HACE1: variants seen among roughly 807,000 people sequenced by gnomAD.
HACE1 encodes the protein HECT domain and ankyrin repeat containing E3 ubiquitin protein ligase 1.
HACE1 carries 73 observed loss-of-function variants against 118.4 expected under a neutral mutation model. The observed-to-expected ratio is 0.62, with a 90% CI of 0.51 to 0.75. HACE1 has a LOEUF of 0.75. HACE1 is among the 30% of genes least tolerant of loss of function. The probability of loss-of-function intolerance (pLI) is 0.00; values close to 1 mark genes in which losing one functional copy is unlikely to be tolerated. For missense variants in HACE1, 749 were observed against 1,102.2 expected, an observed-to-expected ratio of 0.68 and a Z score of 4.54; for synonymous variants, 368 against 374.8, an observed-to-expected ratio of 0.98 and a Z score of 0.21.
intron 6 of HACE1, among the ~76,000 whole-genome samples, chr6:104,820,499 AC>A (rs1340696259): frequency 2.0e-4 from 30 of 152,194 alleles, no homozygotes; most frequent in African/African-American, 4.8e-4. Context: ...TTACAAAAAA[AC>A]AACAACCCCA....
chr6:104,763,400 T>C (rs1266526414), intron 19 of HACE1, among the ~76,000 whole-genome samples: 1 of 152,182 alleles, frequency 6.6e-6, no homozygotes, highest in East Asian at 1.9e-4. Flanking sequence ...CAAAATGAGT[T>C]ATCTTGGCAA....
At chr6:104,780,455 C>G (rs969885579) in intron 14 of HACE1, 5 of 361,938 alleles carry the variant, frequency 1.4e-5, no homozygotes, top group Non-Finnish European at 2.7e-5. Context: ...AACTACTGGC[C>G]ACCTGAAAAC....
chr6:104,801,548 T>C (rs956286126), intron 7 of HACE1, among the ~76,000 whole-genome samples: 1 of 151,948 alleles, frequency 6.6e-6, no homozygotes, highest in African/African-American at 2.4e-5. Context: ...CAGAAGAGAG[T>C]GGGGGCTAAT....
Position 104,785,295 on chromosome 6 carries a change from A to T in HACE1, c.1099T>A (p.Leu367Ile). The change falls in exon 12 of 24, where the codon TTA (leucine) becomes ATA (isoleucine). Residue 367 changes from leucine (L) to isoleucine (I), a missense_variant. Leu to Ile is a conservative substitution (Grantham distance 5). Around this residue, in one of 5 missense-constraint regions of HACE1, gnomAD observed 267 missense variants for 312.2 expected, o/e 0.86. Coordinates refer to ENST00000262903, the MANE Select transcript of HACE1 (RefSeq NM_020771.4). ...FKPLELLWHS[L>I]DEWLVLIATE... ...GCTATTAAAACTAGCCATTCATCTA[A>T]CGAGTGCCAAAGCAATTCCAGAGGC... 6.2e-7 allele frequency: 1 copy of T among 1,608,400 alleles called. No individual in the cohort carries two copies. The highest frequency in any genetic ancestry group is 1.1e-5 in the South Asian group (1 of 90,980).
chr6:104,819,630 T>C (rs555240956), intron 6 of HACE1, among the ~76,000 whole-genome samples: 1 of 152,186 alleles, frequency 6.6e-6, no homozygotes, highest in South Asian at 2.1e-4. Flanking sequence ...CTACCCAACT[T>C]AAAACTATAC....
At chr6:104,733,889 G>C (rs1217065294) in intron 22 of HACE1, among the ~76,000 whole-genome samples, 2 of 148,912 alleles carry the variant, frequency 1.3e-5, no homozygotes, top group African/African-American at 5.0e-5. Flanking sequence ...ACAGTGATTC[G>C]CGCCTGTAAT....
chr6:104,767,969 C>T (rs1780188780), intron 19 of HACE1, among the ~76,000 whole-genome samples: 1 of 152,136 alleles, frequency 6.6e-6, no homozygotes, highest in East Asian at 1.9e-4. Context: ...ACATTTAAAC[C>T]CCTACAGCTT....
chr6:104,775,027 T>C (rs983855004), intron 17 of HACE1, among the ~76,000 whole-genome samples: 2 of 152,104 alleles, frequency 1.3e-5, no homozygotes, highest in African/African-American at 2.4e-5. Flanking sequence ...AGGAGACTGA[T>C]ATGGCTTACA....
At chr6:104,738,299 C>T (rs1230543513) in intron 22 of HACE1, among the ~76,000 whole-genome samples, 30 of 152,130 alleles carry the variant, frequency 2.0e-4, no homozygotes, top group Non-Finnish European at 1.3e-4. Context: ...TCACCAGCAA[C>T]GGAACAAAGC....
intron 4 of HACE1, among the ~76,000 whole-genome samples, chr6:104,847,810 G>GT (rs1004855606): frequency 1.3e-4 from 19 of 151,486 alleles, no homozygotes; most frequent in South Asian, 2.1e-4. Context: ...GTTTTTTGGG[G>GT]TTTTTTTTGT....
In HACE1 at chr6:104,742,111, T is replaced by G. The variant is rs563164279; in HGVS notation, c.2513+2049A>C. On this transcript the variant is annotated intron_variant, in intron 22 of 23. Coordinates refer to ENST00000262903, the MANE Select transcript of HACE1 (RefSeq NM_020771.4). Reference sequence around the variant, plus strand: ...GCTGGGAAAACTGGCTAGCCATATGTAGAAAGCTGAAACTGGATCTCTTCC... The same window carrying G: ...GCTGGGAAAACTGGCTAGCCATATGGAGAAAGCTGAAACTGGATCTCTTCC... 2.7e-4 allele frequency among the ~76,000 whole-genome samples: 36 copies of G among 134,408 alleles called. 2 individuals are homozygous for G. Among genetic ancestry groups the G allele is most frequent in the African/African-American group, 6.9e-4 (23 of 33,148 alleles). 88.2% of individuals were successfully genotyped at this position (134,408 alleles called of 152,430 possible). A position where few individuals can be genotyped will look rare whatever the true frequency, so the allele number is the denominator to read the frequency against.
intron 7 of HACE1, among the ~76,000 whole-genome samples, chr6:104,808,017 T>C (rs1419640461): frequency 6.6e-6 from 1 of 151,988 alleles, no homozygotes; most frequent in Non-Finnish European, 1.5e-5. Flanking sequence ...CAAAACGCCA[T>C]CTCTACTAAA....
chr6:104,859,695 C>G lies in HACE1; in HGVS notation c.-53G>C, dbSNP rs529350912. ...CGATCAGCCGCCCCACCGGCGGCCT[C>G]CGCGCCCAGAGCCCTACATCTCGCC... On this transcript the variant is annotated 5_prime_UTR_variant, in exon 1 of 24. Coordinates refer to ENST00000262903, the MANE Select transcript of HACE1 (RefSeq NM_020771.4). The G allele has an allele frequency of 1.9e-5, 28 of 1,465,896 alleles. No individual in the cohort carries two copies. The highest frequency in any genetic ancestry group is 2.6e-5 in the East Asian group (1 of 39,092). The allele number at this position is 1,465,896 out of a possible 1,614,324, so 90.8% of individuals were successfully genotyped here.
chr6:104,744,192 C>G lies in HACE1; in HGVS notation c.2481G>C (p.Glu827Asp), dbSNP rs770684803. 3 of 1,604,538 alleles carry G rather than the reference C, an allele frequency of 1.9e-6. No homozygotes were observed. Among genetic ancestry groups the G allele is most frequent in the Non-Finnish European group, 1.7e-6 (2 of 1,171,964 alleles). Residue 827 changes from glutamate (E) to aspartate (D), a missense_variant, in exon 22 of 24, where the codon GAG (glutamate) becomes GAC (aspartate). This residue lies in a region of HACE1 where 165 missense variants were observed against 229.9 expected (regional missense o/e 0.72). Coordinates refer to ENST00000262903, the MANE Select transcript of HACE1 (RefSeq NM_020771.4). ...WEVVEDITQEERVLLLQFVTG... is the reference protein window; with the variant it reads ...WEVVEDITQEDRVLLLQFVTG... Reference sequence around the variant, plus strand: ...TAACAAACTGTAAGAGAAGAACTCTCTCCTCTTGAGTAATGTCTTCTACAA... The same window carrying G: ...TAACAAACTGTAAGAGAAGAACTCTGTCCTCTTGAGTAATGTCTTCTACAA...
At chr6:104,852,485 AAGG>A in intron 1 of HACE1, 114 bp from the exon 2 acceptor site, 1 of 687,168 alleles carries the variant, frequency 1.5e-6, no homozygotes, top group South Asian at 1.6e-5. Context: ...GGAGAGGAAG[AAGG>A]AGGAAAGAAT....
chr6:104,831,635 T>C lies in HACE1; in HGVS notation c.534+1407A>G, dbSNP rs189363199. Among the ~76,000 whole-genome samples the C allele has an allele frequency of 5.8e-4, 87 of 149,776 alleles. 2 individuals are homozygous for C. In the East Asian group the frequency reaches 0.015, roughly 26 times the overall value. On this transcript the variant is annotated intron_variant, in intron 6 of 23. Coordinates refer to ENST00000262903, the MANE Select transcript of HACE1 (RefSeq NM_020771.4). Reference sequence around the variant, plus strand: ...GAGGCCGGGCACGGTGGCTCACGCCTGTAATCCCAGCATTTTAGGAGGCCG... The same window carrying C: ...GAGGCCGGGCACGGTGGCTCACGCCCGTAATCCCAGCATTTTAGGAGGCCG...
intron 19 of HACE1, among the ~76,000 whole-genome samples, chr6:104,766,262 T>C (rs1780008231): frequency 6.6e-6 from 1 of 152,146 alleles, no homozygotes; most frequent in Non-Finnish European, 1.5e-5. Flanking sequence ...AGAAAAAATA[T>C]ATATGCAGCA....
At chr6:104,851,446 T>C (rs569841937) in intron 2 of HACE1, among the ~76,000 whole-genome samples, 3 of 152,310 alleles carry the variant, frequency 2.0e-5, no homozygotes, top group Admixed American at 2.0e-4. Context: ...ACTATTCTCT[T>C]AGTATGTTAG....
intron 10 of HACE1, among the ~76,000 whole-genome samples, chr6:104,792,360 T>A (rs1281073609): frequency 6.6e-6 from 1 of 152,178 alleles, no homozygotes; most frequent in East Asian, 1.9e-4. Flanking sequence ...AGAAAGCCCT[T>A]CAGAATCCCA....
Sources: gnomAD v4.1 joint callset for allele counts (sites outside exome capture counted in the v4.1 genomes callset) on GRCh38, gnomAD v4.1.1 for gene constraint, gnomAD v4.1.1 regional missense constraint, MANE v1.5 for transcripts, NCBI Gene and HGNC (gene_info 2026-07-23, HGNC 2026-07-21) for gene names.